The following DMBT1 variants were observed in gnomAD, a reference collection of about 807,000 sequenced individuals.
The protein encoded by DMBT1 is scavenger receptor cysteine-rich domain-containing protein DMBT1.
A neutral mutation model predicts 252.9 loss-of-function variants in DMBT1; 198 were observed. The observed-to-expected ratio is 0.78, with a 90% CI of 0.70 to 0.88. The LOEUF (loss-of-function observed/expected upper bound fraction) is 0.88, where lower values mean the gene tolerates loss of function less well. Among genes scored for constraint, DMBT1 ranks in the 40% least tolerant of loss-of-function variants. The pLI is 0.00. For missense variants in DMBT1, 2,432 were observed against 2,404.7 expected (o/e 1.01, Z -0.24); for synonymous variants, 990 against 942.7 (o/e 1.05, Z -0.92).
intron 4 of DMBT1, among the ~76,000 whole-genome samples, chr10:122,571,567 G>A (rs1246132193): frequency 6.6e-6 from 1 of 152,186 alleles, no homozygotes; most frequent in East Asian, 1.9e-4. Flanking sequence ...ACTTCTCCTG[G>A]ACCCAACCCA....
chr10:122,598,367 C>A (rs539059075), intron 25 of DMBT1, among the ~76,000 whole-genome samples: 2 of 152,302 alleles, frequency 1.3e-5, no homozygotes, highest in South Asian at 4.1e-4. Flanking sequence ...ACTGTCCCCA[C>A]ACCTGTCTGG....
chr10:122,577,908 A>T, intron 8 of DMBT1, 68 bp downstream of exon 8: 2 of 1,541,748 alleles, frequency 1.3e-6, no homozygotes, highest in Non-Finnish European at 1.8e-6. Flanking sequence ...TCCCTACTCC[A>T]CAGAGCCCTC....
intron 6 of DMBT1, 101 bp from the exon 7 acceptor site, chr10:122,576,298 C>G: frequency 6.7e-7 from 1 of 1,486,182 alleles, no homozygotes; most frequent in Non-Finnish European, 9.1e-7. Context: ...GAGATTCTCT[C>G]AAAGATATCT....
chr10:122,590,536 A>G, intron 17 of DMBT1, 129 bp from the exon 18 acceptor site: 5 of 1,172,846 alleles, frequency 4.3e-6, no homozygotes, highest in Non-Finnish European at 6.3e-6. Context: ...CGTGCATGGC[A>G]ATGCCCCTCC....
chr10:122,631,832 CT>C, intron 49 of DMBT1, 22 bp from the exon 50 acceptor site: 1 of 1,613,714 alleles, frequency 6.2e-7, no homozygotes, highest in Non-Finnish European at 8.5e-7. Context: ...GTGACCTATG[CT>C]TTTTTTCTAT....
intron 53 of DMBT1, 80 bp from the exon 54 acceptor site, chr10:122,637,048 A>G: frequency 2.9e-6 from 4 of 1,399,614 alleles, no homozygotes; most frequent in Admixed American, 1.8e-5. Context: ...GCACTTTTTA[A>G]GTGGAAACAG....
At chr10:122,635,590 G>A (rs547373237) in intron 52 of DMBT1, among the ~76,000 whole-genome samples, 11 of 152,058 alleles carry the variant, frequency 7.2e-5, no homozygotes, top group East Asian at 3.9e-4. Flanking sequence ...TCACTCTGTC[G>A]CCCAAACTGG....
chr10:122,592,115 C>G (rs1043867361), intron 19 of DMBT1, among the ~76,000 whole-genome samples, 157 bp from the exon 20 acceptor site: 1 of 148,490 alleles, frequency 6.7e-6, no homozygotes, highest in Non-Finnish European at 1.5e-5. Flanking sequence ...CCTCTCCTTC[C>G]AGTATGATGA....
Position 122,593,600 on chromosome 10 carries a change from T to A in DMBT1, c.2530+2T>A. ...AGTCCCGGCCGACACCCAGTCCAGG[T>A]AGGTCCCCAGTGTCCTTCCTCAAAA... On this transcript the variant is annotated splice_donor_variant, in intron 21 of 55. Coordinates refer to ENST00000338354, the MANE Select transcript of DMBT1 (RefSeq NM_001377530.1). LOFTEE classifies it high-confidence loss of function. The A allele has an allele frequency of 6.3e-7, 1 of 1,587,300 alleles. No homozygotes were observed. The highest frequency in any genetic ancestry group is 8.6e-7 in the Non-Finnish European group (1 of 1,164,732).
chr10:122,568,414 T>C (rs1232757824), intron 2 of DMBT1, among the ~76,000 whole-genome samples: 1 of 151,478 alleles, frequency 6.6e-6, no homozygotes, highest in Non-Finnish European at 1.5e-5. Flanking sequence ...AGGGGGAAAA[T>C]ACAGAATGAG....
intron 44 of DMBT1, 120 bp from the exon 45 acceptor site, chr10:122,625,157 C>A: frequency 1.1e-6 from 1 of 933,432 alleles, no homozygotes; most frequent in Non-Finnish European, 1.7e-6. Flanking sequence ...CTATTCCACT[C>A]TCCTGGATGA....
chr10:122,619,441 G>A, intron 42 of DMBT1, 104 bp downstream of exon 42: 1 of 1,486,164 alleles, frequency 6.7e-7, no homozygotes. Context: ...GATACTGTGG[G>A]GCATATTATT....
chr10:122,600,663 T>A (rs949250974), intron 27 of DMBT1, among the ~76,000 whole-genome samples: 30 of 152,330 alleles, frequency 2.0e-4, no homozygotes, highest in Middle Eastern at 6.8e-3. Flanking sequence ...ACATTTTATC[T>A]GCCAGTGTCC....
At chr10:122,562,792 T>A (rs767182358) in intron 1 of DMBT1, among the ~76,000 whole-genome samples, 5 of 152,256 alleles carry the variant, frequency 3.3e-5, no homozygotes, top group Non-Finnish European at 7.3e-5. Flanking sequence ...ATTCATGCTC[T>A]CTGAAGTGGA....
At chr10:122,637,026 AC>A in intron 53 of DMBT1, 101 bp from the exon 54 acceptor site, 1 of 1,145,444 alleles carries the variant, frequency 8.7e-7, no homozygotes, top group Non-Finnish European at 1.3e-6. Flanking sequence ...CCTGTCAGCC[AC>A]CCTGGTCTGT....
At chr10:122,578,806 G>A (rs763699747) in intron 9 of DMBT1, 47 bp downstream of exon 9, 2 of 1,531,664 alleles carry the variant, frequency 1.3e-6, no homozygotes, top group East Asian at 4.6e-5. Context: ...TCTACCTCTG[G>A]ATACACTTTG....
At chr10:122,633,843 A>G (rs1275255374) in intron 52 of DMBT1, among the ~76,000 whole-genome samples, 1 of 152,180 alleles carries the variant, frequency 6.6e-6, no homozygotes, top group Non-Finnish European at 1.5e-5. Context: ...TCCTATTAAC[A>G]ACCACACTGG....
rs2097787378 is a variant in DMBT1, at chr10:122,586,147, G to T, written c.1547G>T (p.Gly516Val). Residue 516 changes from glycine to valine, a missense_variant, in exon 16 of 56, where the codon GGC (glycine) becomes GTC (valine). By Grantham distance (109) the Gly-to-Val change is moderately radical. This residue lies in a region of DMBT1 where 1,264 missense variants were observed against 1,082.2 expected (regional missense o/e 1.17). Transcript: ENST00000338354. ...RVEVLYRGSW[G>V]TVCDDSWDTN... Reference sequence around the variant, plus strand: ...GAGGTCCTATACCGAGGCTCCTGGGGCACCGTGTGTGATGACAGCTGGGAC... The same window carrying T: ...GAGGTCCTATACCGAGGCTCCTGGGTCACCGTGTGTGATGACAGCTGGGAC... The T allele has an allele frequency of 4.4e-6, 7 of 1,589,106 alleles. 2 individuals carry two copies.
chr10:122,579,483 C>T, intron 9 of DMBT1, 95 bp from the exon 10 acceptor site: 1 of 1,592,408 alleles, frequency 6.3e-7, no homozygotes, highest in Non-Finnish European at 8.5e-7. Context: ...GCCTAGGTGA[C>T]TTAGTTCATT....
Sources: allele counts gnomAD v4.1 joint callset (sites outside exome capture counted in the v4.1 genomes callset), GRCh38; gene constraint gnomAD v4.1.1; regional missense constraint gnomAD v4.1.1; transcripts MANE v1.5; gene names NCBI Gene and HGNC (gene_info 2026-07-23, HGNC 2026-07-21).